The following PTPRN2 variants were observed in gnomAD, a reference collection of about 807,000 sequenced individuals.
PTPRN2 encodes protein tyrosine phosphatase receptor type N2.
In PTPRN2, 74 loss-of-function variants were observed where a neutral mutation model predicts 118.8. The observed-to-expected ratio is 0.62, with a 90% confidence interval of 0.52 to 0.76. The LOEUF (loss-of-function observed/expected upper bound fraction) is 0.76, where lower values mean the gene tolerates loss of function less well. PTPRN2 is among the 30% of genes least tolerant of loss of function. PTPRN2 has a pLI of 0.00. For missense variants in PTPRN2, 1,481 were observed against 1,394.4 expected (o/e 1.06, Z -0.99); for synonymous variants, 641 against 608.0 (o/e 1.05, Z -0.80).
intron 1 of PTPRN2, among the ~76,000 whole-genome samples, chr7:158,518,140 T>C (rs1823703135): frequency 6.6e-6 from 1 of 152,234 alleles, no homozygotes; most frequent in Non-Finnish European, 1.5e-5. Flanking sequence ...ACTGCCATGG[T>C]GTCTATAAAA....
chr7:158,070,707 C>CGGAGGTGCCTGTGGTGT (rs1811254135), intron 11 of PTPRN2, among the ~76,000 whole-genome samples: 2 of 31,350 alleles, frequency 6.4e-5, no homozygotes, highest in Non-Finnish European at 1.1e-4. Context: ...CCCCTGGTGG[C>CGGAGGTGCCTGTGGTGT]GGAGGTGCCT....
At chr7:157,693,353 C>T (rs1306218248) in intron 12 of PTPRN2, among the ~76,000 whole-genome samples, 2 of 152,068 alleles carry the variant, frequency 1.3e-5, no homozygotes, top group Non-Finnish European at 2.9e-5. Flanking sequence ...GAGCAAACCC[C>T]TCCAGGACTG....
chr7:158,136,090 G>C (rs1818784837), intron 8 of PTPRN2, among the ~76,000 whole-genome samples: 1 of 152,262 alleles, frequency 6.6e-6, no homozygotes, highest in Admixed American at 6.5e-5. Flanking sequence ...GGGGGCTCTG[G>C]GATGGTGGAC....
At chr7:157,812,899 C>T (rs903156321) in intron 12 of PTPRN2, among the ~76,000 whole-genome samples, 2 of 152,114 alleles carry the variant, frequency 1.3e-5, no homozygotes, top group African/African-American at 2.4e-5. Flanking sequence ...GTGGAAAACT[C>T]GCCCTCCTTC....
intron 11 of PTPRN2, among the ~76,000 whole-genome samples, chr7:158,012,608 T>A (rs1806132017): frequency 6.6e-6 from 1 of 152,324 alleles, no homozygotes; most frequent in African/African-American, 2.4e-5. Context: ...CATGGTACAT[T>A]TGTTTCTCAT....
chr7:158,564,369 T>C (rs761108319), intron 1 of PTPRN2, among the ~76,000 whole-genome samples: 1 of 152,238 alleles, frequency 6.6e-6, no homozygotes, highest in Non-Finnish European at 1.5e-5. Flanking sequence ...AATAGAATTG[T>C]ACATTTTGTG....
At chr7:157,904,740 T>C (rs1487563339) in intron 11 of PTPRN2, among the ~76,000 whole-genome samples, 1 of 152,092 alleles carries the variant, frequency 6.6e-6, no homozygotes, top group Non-Finnish European at 1.5e-5. Context: ...CTTTCTGGCT[T>C]TGAGATTTCT....
chr7:157,691,852 T>A (rs1210054943), intron 12 of PTPRN2, among the ~76,000 whole-genome samples: 1 of 152,162 alleles, frequency 6.6e-6, no homozygotes, highest in African/African-American at 2.4e-5. Flanking sequence ...CTAGGACCAC[T>A]GAGCACCTCC....
chr7:157,915,369 C>A (rs953287417), intron 11 of PTPRN2, among the ~76,000 whole-genome samples: 13 of 152,248 alleles, frequency 8.5e-5, no homozygotes, highest in African/African-American at 3.1e-4. Context: ...GCTGTCCAGG[C>A]AGCATGCAGT....
chr7:158,073,959 C>T (rs1418770525), intron 11 of PTPRN2, among the ~76,000 whole-genome samples: 4 of 152,186 alleles, frequency 2.6e-5, no homozygotes, highest in Non-Finnish European at 5.9e-5. Context: ...TGGGACTCCC[C>T]TCCAGCACAG....
At chr7:158,437,963 T>C (rs966113596) in intron 2 of PTPRN2, among the ~76,000 whole-genome samples, 5 of 152,238 alleles carry the variant, frequency 3.3e-5, no homozygotes, top group African/African-American at 1.2e-4. Flanking sequence ...TTTCACTGCC[T>C]CTTCTCCACA....
intron 13 of PTPRN2, among the ~76,000 whole-genome samples, chr7:157,657,687 T>C (rs1362743906): frequency 5.8e-5 from 3 of 52,058 alleles, no homozygotes; most frequent in African/African-American, 1.6e-4. Flanking sequence ...ACCACACACA[T>C]CACACATATA....
At chr7:158,420,918 A>G (rs1188844616) in intron 2 of PTPRN2, among the ~76,000 whole-genome samples, 1 of 152,196 alleles carries the variant, frequency 6.6e-6, no homozygotes, top group Admixed American at 6.5e-5. Context: ...GTTGTGGCTT[A>G]CAGACGCCCT....
intron 3 of PTPRN2, among the ~76,000 whole-genome samples, chr7:158,271,902 C>A (rs1197646605): frequency 6.8e-6 from 1 of 147,504 alleles, no homozygotes; most frequent in African/African-American, 2.6e-5. Context: ...GTGAGGATTT[C>A]CATGTAGGAA....
At chr7:158,490,999 T>C (rs1821405781) in intron 1 of PTPRN2, among the ~76,000 whole-genome samples, 1 of 152,176 alleles carries the variant, frequency 6.6e-6, no homozygotes, top group Non-Finnish European at 1.5e-5. Flanking sequence ...CTGAGGAATC[T>C]GGAGAAAGTT....
intron 15 of PTPRN2, among the ~76,000 whole-genome samples, chr7:157,621,053 T>G (rs375087060): frequency 7.3e-5 from 7 of 96,334 alleles, no homozygotes; most frequent in Non-Finnish European, 6.9e-5. Flanking sequence ...GCATGGCCAG[T>G]TTCCCCCTCC....
intron 3 of PTPRN2, among the ~76,000 whole-genome samples, chr7:158,295,303 G>T (rs1800412527): frequency 8.6e-5 from 1 of 11,608 alleles, no homozygotes; most frequent in Non-Finnish European, 2.6e-4. Context: ...CAAGCCCACG[G>T]CACCCGCTGA....
At chr7:158,154,038 C>A (rs532133477) in intron 6 of PTPRN2, among the ~76,000 whole-genome samples, 7 of 152,286 alleles carry the variant, frequency 4.6e-5, no homozygotes, top group African/African-American at 1.7e-4. Flanking sequence ...GGGGTCCGGG[C>A]TGGGCTGGGA....
At chr7:158,239,342 G>T (rs1027982782) in intron 3 of PTPRN2, among the ~76,000 whole-genome samples, 1 of 152,204 alleles carries the variant, frequency 6.6e-6, no homozygotes, top group South Asian at 2.1e-4. Flanking sequence ...CCACGTTCAA[G>T]TTGCAGCCAG....
Sources: allele counts gnomAD v4.1 joint callset (sites outside exome capture counted in the v4.1 genomes callset), GRCh38; gene constraint gnomAD v4.1.1; transcripts MANE v1.5; gene names NCBI Gene and HGNC (gene_info 2026-07-23, HGNC 2026-07-21).